TRIM9: variants seen among roughly 807,000 people sequenced by gnomAD.
TRIM9 encodes E3 ubiquitin-protein ligase TRIM9.
TRIM9 carries 26 observed loss-of-function variants against 78.3 expected under a neutral mutation model. The observed-to-expected ratio is 0.33, with a 90% CI of 0.24 to 0.46. The LOEUF (loss-of-function observed/expected upper bound fraction) is 0.46. Ranked by LOEUF, TRIM9 falls within the 20% of genes least tolerant of loss-of-function variation. The pLI, the probability that TRIM9 is intolerant of heterozygous loss-of-function variation, is 1.00. For synonymous variants in TRIM9, 398 were observed against 416.5 expected, an observed-to-expected ratio of 0.96 and a Z score of 0.54; for missense variants, 787 against 1,036.4, an observed-to-expected ratio of 0.76 and a Z score of 3.30.
intron 1 of TRIM9, among the ~76,000 whole-genome samples, chr14:51,057,886 C>A (rs966529722): frequency 9.2e-5 from 14 of 152,316 alleles, no homozygotes; most frequent in Middle Eastern, 3.4e-3. Flanking sequence ...AGTCTGTACA[C>A]AAGTTTATCC....
At chr14:51,087,518 A>G (rs2063874962) in intron 1 of TRIM9, among the ~76,000 whole-genome samples, 1 of 152,114 alleles carries the variant, frequency 6.6e-6, no homozygotes, top group Non-Finnish European at 1.5e-5. Context: ...TTGTGAGAAC[A>G]CCCCAGGGGA....
chr14:51,000,260 A>G (rs529440506), intron 6 of TRIM9, among the ~76,000 whole-genome samples: 50 of 152,350 alleles, frequency 3.3e-4, no homozygotes, highest in African/African-American at 1.2e-3. Flanking sequence ...AACGCTTGCT[A>G]TGTTCTAGGC....
At chr14:51,092,681 A>C (rs1309827345) in intron 1 of TRIM9, among the ~76,000 whole-genome samples, 1 of 152,212 alleles carries the variant, frequency 6.6e-6, no homozygotes, top group Non-Finnish European at 1.5e-5. Flanking sequence ...ATTCATGCAC[A>C]TCTCCTCAAG....
chr14:51,054,447 A>AT (rs11341604), intron 1 of TRIM9, among the ~76,000 whole-genome samples: 1 of 151,576 alleles, frequency 6.6e-6, no homozygotes, highest in South Asian at 2.1e-4. Flanking sequence ...TGTTTTTTGT[A>AT]TTTTTTTTGT....
intron 7 of TRIM9, among the ~76,000 whole-genome samples, chr14:50,991,818 C>T (rs1468844596): frequency 6.6e-6 from 1 of 152,134 alleles, no homozygotes; most frequent in Admixed American, 6.5e-5. Context: ...TCCAGAGAGG[C>T]TAAGGGACAT....
At chr14:51,020,190 T>C (rs2057613766) in intron 3 of TRIM9, among the ~76,000 whole-genome samples, 1 of 152,000 alleles carries the variant, frequency 6.6e-6, no homozygotes, top group South Asian at 2.1e-4. Flanking sequence ...GCTTGGCAAG[T>C]GATGTCTATA....
chr14:51,043,307 G>C (rs779864461), intron 1 of TRIM9, among the ~76,000 whole-genome samples: 107 of 152,344 alleles, frequency 7.0e-4, no homozygotes, highest in Non-Finnish European at 1.2e-3. Context: ...CTTGAGAGCA[G>C]AAGGCAGCTG....
intron 3 of TRIM9, among the ~76,000 whole-genome samples, chr14:51,016,751 C>G (rs2057251798): frequency 6.6e-6 from 1 of 152,078 alleles, no homozygotes; most frequent in African/African-American, 2.4e-5. Flanking sequence ...TTCCATGAAA[C>G]TGCTCCCTGG....
chr14:50,992,679 A>G (rs1164798767), intron 7 of TRIM9, among the ~76,000 whole-genome samples: 1 of 152,216 alleles, frequency 6.6e-6, no homozygotes, highest in Non-Finnish European at 1.5e-5. Context: ...AAATGGAAGC[A>G]TAAGTTTATA....
intron 1 of TRIM9, among the ~76,000 whole-genome samples, chr14:51,039,215 T>C (rs184559030): frequency 6.6e-6 from 1 of 152,338 alleles, no homozygotes; most frequent in Admixed American, 6.5e-5. Flanking sequence ...ATCTAGACCC[T>C]CACATGTTGC....
chr14:51,002,105 TTG>T (rs10569486), intron 5 of TRIM9, among the ~76,000 whole-genome samples: 74,729 of 146,682 alleles, frequency 0.51, 19,728 homozygotes, highest in African/African-American at 0.72. Flanking sequence ...AACCATGGTT[TTG>T]TGTGTGTGTG....
chr14:51,001,228 A>ATTT (rs34019183), intron 5 of TRIM9, among the ~76,000 whole-genome samples: 6 of 130,608 alleles, frequency 4.6e-5, no homozygotes, highest in African/African-American at 1.1e-4. Flanking sequence ...TGTGCTAATA[A>ATTT]TTTTTTTTTT....
intron 3 of TRIM9, among the ~76,000 whole-genome samples, chr14:51,017,369 C>T (rs2057317362): frequency 6.6e-6 from 1 of 152,166 alleles, no homozygotes; most frequent in Non-Finnish European, 1.5e-5. Context: ...AAACACACAC[C>T]TGTTTTTAGG....
chr14:51,094,217 G>A lies in TRIM9; in HGVS notation c.723C>T (p.Cys241=), dbSNP rs1185253249. Residue 241 remains cysteine, a synonymous_variant, in exon 1 of 13, where the codon TGC becomes TGT. Coordinates refer to ENST00000684578, the MANE Select transcript of TRIM9 (RefSeq NM_001387360.1). The stretch of plus-strand genomic sequence containing the variant: ...AGCACACGGGCATCTTGCATTGCAC[G>A]CAGTACATGCTGTGGTTCTCCAGCT... ...DHELENHSMY[C]VQCKMPVCYQ... is the part of the protein sequence containing the mutation. 2.5e-6 allele frequency: 4 copies of A among 1,614,194 alleles called. No individual in the cohort carries two copies. Among genetic ancestry groups the A allele is most frequent in the Non-Finnish European group, 3.4e-6 (4 of 1,180,030 alleles).
rs150672961 is a variant in TRIM9, at chr14:51,049,550, G to A, written c.823-24190C>T. 2.0e-3 allele frequency among the ~76,000 whole-genome samples: 307 copies of A among 152,138 alleles called. 2 individuals carry two copies. Among genetic ancestry groups the A allele is most frequent in the African/African-American group, 6.5e-3 (270 of 41,482 alleles). On this transcript the variant is annotated intron_variant, in intron 1 of 12. Coordinates refer to ENST00000684578, the MANE Select transcript of TRIM9 (RefSeq NM_001387360.1). ...AGTGTAATAATATATAATATAGGCC[G>A]GGCGCAGTGGCTCATGCCTGTAATC...
intron 10 of TRIM9, 25 bp downstream of exon 10, chr14:50,982,917 G>A: frequency 6.5e-7 from 1 of 1,540,988 alleles, no homozygotes; most frequent in Non-Finnish European, 8.8e-7. Context: ...TTGCTATTTG[G>A]TAACAGAATA....
chr14:51,000,438 T>A (rs182199840), intron 6 of TRIM9, among the ~76,000 whole-genome samples: 1 of 152,324 alleles, frequency 6.6e-6, no homozygotes, highest in African/African-American at 2.4e-5. Flanking sequence ...CCAACTTGAA[T>A]GCAGGCAGTC....
chr14:51,094,583 C>T lies in TRIM9; in HGVS notation c.357G>A (p.Pro119=), dbSNP rs1490820181. Residue 119 remains proline, a synonymous_variant, in exon 1 of 13, where the codon CCG becomes CCA. Coordinates refer to ENST00000684578, the MANE Select transcript of TRIM9 (RefSeq NM_001387360.1). ...AGGTGATACAGGAGTTGCGGGGCAC[C>T]GGGGCCAGGGCCGGTGACAAGTGGG... ...PATHLSPALA[P]VPRNSCITCP... 5.6e-6 allele frequency: 9 copies of T among 1,611,872 alleles called. No individual in the cohort carries two copies. The highest frequency in any genetic ancestry group is 7.6e-6 in the Non-Finnish European group (9 of 1,179,368).
At chr14:50,986,739 A>G (rs1448035007) in intron 7 of TRIM9, among the ~76,000 whole-genome samples, 5 of 152,182 alleles carry the variant, frequency 3.3e-5, no homozygotes, top group African/African-American at 1.2e-4. Context: ...AGGGCTGGAC[A>G]AGTAAGCAGG....
Sources: gnomAD v4.1 joint callset for allele counts (sites outside exome capture counted in the v4.1 genomes callset) on GRCh38, gnomAD v4.1.1 for gene constraint, MANE v1.5 for transcripts, NCBI Gene and HGNC (gene_info 2026-07-23, HGNC 2026-07-21) for gene names.